The following VTA1 variants were observed in gnomAD, a reference collection of about 807,000 sequenced individuals.
VTA1 encodes vacuolar protein sorting-associated protein VTA1 homolog.
A neutral mutation model predicts 36.9 loss-of-function variants in VTA1; 24 were observed. That is an observed-to-expected ratio of 0.65 (90% CI 0.47 to 0.91). VTA1 has a LOEUF of 0.91. VTA1 is among the 40% of genes least tolerant of loss of function. VTA1 has a pLI of 0.00. For missense variants in VTA1, 393 were observed against 377.2 expected (o/e 1.04, Z -0.35); for synonymous variants, 142 against 130.2 (o/e 1.09, Z -0.62).
chr6:142,210,028 A>G (rs1429664178), intron 7 of VTA1, among the ~76,000 whole-genome samples: 2 of 152,216 alleles, frequency 1.3e-5, no homozygotes, highest in African/African-American at 2.4e-5. Context: ...CTACAAAGCT[A>G]TGATAACCAA....
At chr6:142,212,456 C>A (rs533050790) in intron 7 of VTA1, among the ~76,000 whole-genome samples, 1 of 151,290 alleles carries the variant, frequency 6.6e-6, no homozygotes, top group African/African-American at 2.4e-5. Flanking sequence ...TGTGACATTC[C>A]GAAAAAGGCA....
rs990368607 is a variant in VTA1, at chr6:142,200,224, G to A, written c.697+1609G>A. On this transcript the variant is annotated intron_variant, in intron 6 of 7. Coordinates refer to ENST00000367630, the MANE Select transcript of VTA1 (RefSeq NM_016485.5). ...CATGGTTATTTTAATTATTAAAAGG[G>A]AAAAACTGTAAAAATGGACTAGTAG... 3.6e-4 allele frequency among the ~76,000 whole-genome samples: 55 copies of A among 151,972 alleles called. 1 individual carries two copies. The highest frequency in any genetic ancestry group is 3.4e-4 in the Non-Finnish European group (23 of 67,906).
chr6:142,198,508 C>T lies in VTA1; in HGVS notation c.590C>T (p.Ser197Leu). The T allele has an allele frequency of 6.2e-7, 1 of 1,614,166 alleles. No individual in the cohort carries two copies. Among genetic ancestry groups the T allele is most frequent in the Non-Finnish European group, 8.5e-7 (1 of 1,179,998 alleles). The change falls in exon 6 of 8, where the codon TCA becomes TTA. Residue 197 changes from serine to leucine, a missense_variant. Transcript: ENST00000367630. ...PTQPTQPSSS[S>L]TYDPSNMPSG... Reference sequence around the variant, plus strand: ...CAGCCAACTCAGCCATCATCATCTTCAACTTATGACCCAAGCAACATGCCA... The same window carrying T: ...CAGCCAACTCAGCCATCATCATCTTTAACTTATGACCCAAGCAACATGCCA...
At chr6:142,171,024 G>A (rs1376587266) in intron 4 of VTA1, among the ~76,000 whole-genome samples, 1 of 152,136 alleles carries the variant, frequency 6.6e-6, no homozygotes, top group Non-Finnish European at 1.5e-5. Flanking sequence ...ATCTTACTAA[G>A]TATTAACATA....
intron 4 of VTA1, among the ~76,000 whole-genome samples, chr6:142,188,796 G>C (rs1775396930): frequency 6.6e-6 from 1 of 152,138 alleles, no homozygotes; most frequent in Non-Finnish European, 1.5e-5. Context: ...AGCATATCAT[G>C]TTACATTAGT....
chr6:142,163,001 G>C (rs1025710819), intron 1 of VTA1, among the ~76,000 whole-genome samples: 2 of 152,170 alleles, frequency 1.3e-5, no homozygotes, highest in African/African-American at 4.8e-5. Context: ...AAAATTGTTG[G>C]AGGTCAGGGG....
intron 7 of VTA1, among the ~76,000 whole-genome samples, chr6:142,207,425 G>C (rs1775815578): frequency 6.6e-6 from 1 of 152,054 alleles, no homozygotes; most frequent in Non-Finnish European, 1.5e-5. Context: ...GGCCAAAGGA[G>C]ACACCAAATC....
In VTA1 at chr6:142,198,127, G is replaced by A. The variant is rs867408570; in HGVS notation, c.521-312G>A. Among the ~76,000 whole-genome samples, 728 of 97,316 alleles carry A rather than the reference G, an allele frequency of 7.5e-3. 5 individuals carry two copies. The highest frequency in any genetic ancestry group is 0.022 in the African/African-American group (629 of 29,122). 63.8% of individuals were successfully genotyped at this position (97,316 alleles called of 152,430 possible). ...AAAATATATATATATATATGTGTGT[G>A]TGTGTGTGTGTGTGTGTGTGTGTGT... is the stretch of plus-strand genomic sequence containing the variant. On this transcript the variant is annotated intron_variant, in intron 5 of 7. Coordinates refer to ENST00000367630, the MANE Select transcript of VTA1 (RefSeq NM_016485.5).
intron 1 of VTA1, 142 bp from the exon 2 acceptor site, chr6:142,166,086 G>T: frequency 3.7e-6 from 2 of 537,014 alleles, no homozygotes; most frequent in Non-Finnish European, 6.1e-6. Context: ...TGCTTTTTAG[G>T]TTTATAACTT....
chr6:142,189,836 G>A (rs1412249642), intron 5 of VTA1, among the ~76,000 whole-genome samples: 1 of 151,908 alleles, frequency 6.6e-6, no homozygotes, highest in African/African-American at 2.4e-5. Flanking sequence ...TGCTCACTGG[G>A]AGCTCCGCCT....
At chr6:142,194,004 A>G (rs1488523210) in intron 5 of VTA1, among the ~76,000 whole-genome samples, 1 of 152,110 alleles carries the variant, frequency 6.6e-6, no homozygotes, top group Non-Finnish European at 1.5e-5. Flanking sequence ...TTTGCTTCTC[A>G]GAGAATGGGA....
chr6:142,184,227 A>G (rs528913367), intron 4 of VTA1, among the ~76,000 whole-genome samples: 1 of 152,322 alleles, frequency 6.6e-6, no homozygotes, highest in Non-Finnish European at 1.5e-5. Context: ...TTTTAATCTG[A>G]GTTGCAAATT....
At chr6:142,207,547 C>T (rs756981775) in intron 7 of VTA1, among the ~76,000 whole-genome samples, 24 of 152,094 alleles carry the variant, frequency 1.6e-4, no homozygotes, top group Non-Finnish European at 3.4e-4. Context: ...CCATTTGGGA[C>T]ATTCAGCGCT....
chr6:142,175,697 A>G (rs1423175195), intron 4 of VTA1, among the ~76,000 whole-genome samples: 2 of 151,788 alleles, frequency 1.3e-5, no homozygotes, highest in Non-Finnish European at 2.9e-5. Flanking sequence ...TTTATATATA[A>G]CTTATTTTAT....
rs147058121 is a variant in VTA1 at position 142,162,078 on chromosome 6, G to A, written c.113-4150G>A. Among the ~76,000 whole-genome samples the A allele has an allele frequency of 7.4e-4, 113 of 152,202 alleles. 1 individual carries two copies. The highest frequency in any genetic ancestry group is 2.6e-3 in the African/African-American group (108 of 41,546). On this transcript the variant is annotated intron_variant, in intron 1 of 7. Coordinates refer to ENST00000367630, the MANE Select transcript of VTA1 (RefSeq NM_016485.5). ...CAAACTAAGAAAAAAATGAATGTAG[G>A]CCAGGCTAATTAAACTATATTATAA...
chr6:142,207,182 C>T (rs1284159732), intron 7 of VTA1, among the ~76,000 whole-genome samples: 1 of 152,154 alleles, frequency 6.6e-6, no homozygotes, highest in East Asian at 1.9e-4. Flanking sequence ...TTTCATGATG[C>T]TTCTGCCCTA....
At chr6:142,195,870 T>A (rs749399261) in intron 5 of VTA1, among the ~76,000 whole-genome samples, 17 of 152,096 alleles carry the variant, frequency 1.1e-4, no homozygotes, top group Non-Finnish European at 2.4e-4. Flanking sequence ...CTAATTCAAT[T>A]CCATTTTAGT....
rs1044945576 is a variant in VTA1 at position 142,219,258 on chromosome 6, C to T, written c.*615C>T. ...TAAGGTAAAGAGGTAGAATCACTTTCAGACTTAAGAATAATGTTGATTTCC... is the reference window on the plus strand; with the variant it reads ...TAAGGTAAAGAGGTAGAATCACTTTTAGACTTAAGAATAATGTTGATTTCC... On this transcript the variant is annotated 3_prime_UTR_variant, in exon 8 of 8. Coordinates refer to ENST00000367630, the MANE Select transcript of VTA1 (RefSeq NM_016485.5). The T allele has an allele frequency of 6.6e-5, 10 of 152,178 alleles. No homozygotes were observed. The highest frequency in any genetic ancestry group is 2.4e-4 in the African/African-American group (10 of 41,450). 9.4% of individuals were successfully genotyped at this position (152,178 alleles called of 1,614,324 possible). A position where few individuals can be genotyped will look rare whatever the true frequency, so the allele number is the denominator to read the frequency against.
At chr6:142,150,357 T>A (rs1778544794) in intron 1 of VTA1, among the ~76,000 whole-genome samples, 1 of 152,212 alleles carries the variant, frequency 6.6e-6, no homozygotes, top group African/African-American at 2.4e-5. Flanking sequence ...TTCCAATTCT[T>A]GACTTCCATG....
Sources: gnomAD v4.1 joint callset for allele counts (sites outside exome capture counted in the v4.1 genomes callset) on GRCh38, gnomAD v4.1.1 for gene constraint, MANE v1.5 for transcripts, NCBI Gene and HGNC (gene_info 2026-07-23, HGNC 2026-07-21) for gene names.